The following VPS13D variants were observed in gnomAD, a reference collection of about 807,000 sequenced individuals.
VPS13D encodes vacuolar protein sorting 13 homolog D, also known as intermembrane lipid transfer protein VPS13D.
In VPS13D, 187 loss-of-function variants were observed where a neutral mutation model predicts 461.9. The ratio of observed to expected loss-of-function variants is 0.40; its 90% CI spans 0.36 to 0.46. VPS13D has a LOEUF of 0.46. Among genes scored for constraint, VPS13D ranks in the 20% least tolerant of loss-of-function variants. VPS13D has a pLI of 0.60. For missense variants in VPS13D, 4,711 were observed against 5,364.9 expected (o/e 0.88, Z 3.81); for synonymous variants, 1,951 against 1,986.3 (o/e 0.98, Z 0.47).
intron 65 of VPS13D, among the ~76,000 whole-genome samples, chr1:12,424,790 T>A (rs2100272610): frequency 6.6e-6 from 1 of 152,316 alleles, no homozygotes; most frequent in East Asian, 1.9e-4. Flanking sequence ...TCTTTTTTTT[T>A]AAGGCCTGAA....
At chr1:12,427,939 C>T (rs1644942991) in intron 65 of VPS13D, among the ~76,000 whole-genome samples, 2 of 152,336 alleles carry the variant, frequency 1.3e-5, no homozygotes, top group South Asian at 4.1e-4. Flanking sequence ...GCTTGTTGCA[C>T]TGTTCATTAA....
intron 67 of VPS13D, among the ~76,000 whole-genome samples, chr1:12,467,194 C>T (rs948929652): frequency 1.8e-4 from 27 of 151,994 alleles, no homozygotes; most frequent in African/African-American, 3.6e-4. Context: ...TTTTTCAAGA[C>T]AGAGTCTTGC....
At chr1:12,303,817 C>CAATTATTGAATTGTT (rs1553176900) in intron 25 of VPS13D, among the ~76,000 whole-genome samples, 1 of 152,220 alleles carries the variant, frequency 6.6e-6, no homozygotes, top group African/African-American at 2.4e-5. Flanking sequence ...GCTTAAAAGT[C>CAATTATTGAATTGTT]AATTATTGAA....
chr1:12,327,014 G>T (rs72866676), intron 35 of VPS13D, among the ~76,000 whole-genome samples: 31,872 of 152,078 alleles, frequency 0.21, 6,053 homozygotes, highest in African/African-American at 0.5. Context: ...CAACTGATGT[G>T]TATCTGTAAT....
chr1:12,288,285 C>T lies in VPS13D; in HGVS notation c.5697C>T (p.Ser1899=), dbSNP rs1642029689. ...TTSELAKANV[S]KLVAHLEMIE... ...GTGAGCTTGCCAAAGCAAATGTGTC[C>T]AAATTAGTAGCACACCTGGAAATGA... Residue 1899 remains serine (S), a synonymous_variant, in exon 22 of 70, where the codon TCC becomes TCT. Transcript: ENST00000620676. 2.5e-6 allele frequency: 4 copies of T among 1,613,954 alleles called. No homozygotes were observed. Among genetic ancestry groups the T allele is most frequent in the Non-Finnish European group, 1.7e-6 (2 of 1,179,908 alleles).
Position 12,318,054 on chromosome 1 carries a change from C to T in VPS13D, c.7149-18C>T, listed in dbSNP as rs1642936370. 6.3e-7 allele frequency: 1 copy of T among 1,588,152 alleles called. No homozygotes were observed. The highest frequency in any genetic ancestry group is 1.7e-5 in the Admixed American group (1 of 57,708). ...GTTTCTTTTTTCCTATTTATTTTCTCCTGTCTTCTTTTTATAGATCTACCA... is the reference window on the plus strand; with the variant it reads ...GTTTCTTTTTTCCTATTTATTTTCTTCTGTCTTCTTTTTATAGATCTACCA... On this transcript the variant is annotated intron_variant, in intron 30 of 69. Transcript: ENST00000620676.
chr1:12,443,532 T>G (rs912939538), intron 65 of VPS13D, among the ~76,000 whole-genome samples: 9 of 152,222 alleles, frequency 5.9e-5, no homozygotes, highest in African/African-American at 1.9e-4. Context: ...TTATTTTGCT[T>G]CTTTTTCTTT....
At chr1:12,296,314 T>C (rs1186393887) in intron 24 of VPS13D, among the ~76,000 whole-genome samples, 1 of 152,266 alleles carries the variant, frequency 6.6e-6, no homozygotes, top group African/African-American at 2.4e-5. Flanking sequence ...TTAATTCATA[T>C]CTTTGCCAAC....
intron 60 of VPS13D, among the ~76,000 whole-genome samples, chr1:12,396,391 T>C (rs930355145): frequency 1.3e-5 from 2 of 152,202 alleles, no homozygotes; most frequent in African/African-American, 4.8e-5. Flanking sequence ...TTATTAACTT[T>C]CGGAGTTCTG....
intron 63 of VPS13D, among the ~76,000 whole-genome samples, chr1:12,404,533 C>G (rs905272744): frequency 6.6e-6 from 1 of 152,216 alleles, no homozygotes; most frequent in Non-Finnish European, 1.5e-5. Context: ...CTTAGACCAT[C>G]TTGATGACTA....
chr1:12,484,809 G>A (rs986112159), intron 67 of VPS13D, among the ~76,000 whole-genome samples: 1 of 152,162 alleles, frequency 6.6e-6, no homozygotes, highest in Admixed American at 6.5e-5. Flanking sequence ...AGGGTTACAT[G>A]CTCCTTTTTG....
In VPS13D at chr1:12,341,863, A is replaced by G; in HGVS notation, c.8710A>G (p.Thr2904Ala). The G allele has an allele frequency of 1.2e-6, 2 of 1,614,014 alleles. No individual in the cohort carries two copies. The highest frequency in any genetic ancestry group is 1.7e-6 in the Non-Finnish European group (2 of 1,179,972). ...CACGGGGTGCACTTTGTGGTTTGCC[A>G]CCCTGACCACCACACCCACCAGGTA... ...NHTGCTLWFA[T>A]LTTTPTRAAL... Residue 2904 changes from threonine to alanine, a missense_variant, in exon 41 of 70, where the codon ACC becomes GCC. Transcript: ENST00000620676.
rs1644775251 is a variant in VPS13D at position 12,414,936 on chromosome 1, G to A, written c.12031-151G>A. 14 of 853,156 alleles carry A rather than the reference G, an allele frequency of 1.6e-5. No individual in the cohort carries two copies. In the South Asian group the frequency reaches 2.6e-4, roughly 16 times the overall value. The allele number at this position is 853,156 out of a possible 1,614,324, so 52.8% of individuals were successfully genotyped here. ...TTTTCCCTAGTATTTTACTTTTATAGTTATAGGGAAAATCCTTATTTATAA... is the reference window on the plus strand; with the variant it reads ...TTTTCCCTAGTATTTTACTTTTATAATTATAGGGAAAATCCTTATTTATAA... On this transcript the variant is annotated intron_variant, in intron 63 of 69. Transcript: ENST00000620676.
chr1:12,480,158 A>G (rs1645694259), intron 67 of VPS13D, among the ~76,000 whole-genome samples: 1 of 152,216 alleles, frequency 6.6e-6, no homozygotes, highest in African/African-American at 2.4e-5. Context: ...GCAGCCTTCC[A>G]AGTTCACAGT....
chr1:12,425,485 G>C, intron 65 of VPS13D, among the ~76,000 whole-genome samples: 1 of 152,026 alleles, frequency 6.6e-6, no homozygotes, highest in African/African-American at 2.4e-5. Flanking sequence ...CTTGAACCCA[G>C]GAGGCGGAGG....
intron 67 of VPS13D, among the ~76,000 whole-genome samples, chr1:12,480,064 G>C (rs114973104): frequency 6.6e-6 from 1 of 152,284 alleles, no homozygotes; most frequent in Non-Finnish European, 1.5e-5. Context: ...AGAGAAGCAG[G>C]TCACTAAGCT....
At position 12,304,545 on chromosome 1, in the gene VPS13D, C is replaced by T; in HGVS notation, c.6256C>T (p.His2086Tyr). The T allele has an allele frequency of 6.2e-7, 1 of 1,614,094 alleles. No individual in the cohort carries two copies. Among genetic ancestry groups the T allele is most frequent in the Non-Finnish European group, 8.5e-7 (1 of 1,180,008 alleles). ...PSASPTGIPK[H>Y]SLRKTTSTEE... ...AGCTTCCCCAACGGGTATTCCCAAA[C>T]ACAGTCTGAGGAAAACGACAAGCAC... Residue 2086 changes from histidine (H) to tyrosine (Y), a missense_variant, in exon 26 of 70, where the codon CAC becomes TAC. Physicochemically the swap from His to Tyr is moderately conservative, Grantham distance 83 (BLOSUM62 2). Around this residue, in one of 3 missense-constraint regions of VPS13D, gnomAD observed 4,411 missense variants for 4,937.8 expected, o/e 0.89. Coordinates refer to ENST00000620676, the MANE Select transcript of VPS13D (RefSeq NM_015378.4).
At chr1:12,499,331 A>G (rs1229570631) in intron 68 of VPS13D, 3 of 396,238 alleles carry the variant, frequency 7.6e-6, no homozygotes, top group Non-Finnish European at 1.0e-5. Flanking sequence ...TTGTGTTCAC[A>G]TGCGTCCATT....
Position 12,276,834 on chromosome 1 carries a change from G to T in VPS13D, c.3246G>T (p.Leu1082Phe). 6.2e-7 allele frequency: 1 copy of T among 1,614,088 alleles called. No individual in the cohort carries two copies. Among genetic ancestry groups the T allele is most frequent in the Non-Finnish European group, 8.5e-7 (1 of 1,180,020 alleles). The change falls in exon 19 of 70, where the codon TTG (leucine) becomes TTT (phenylalanine). Residue 1082 changes from leucine to phenylalanine, a missense_variant. Physicochemically the swap from Leu to Phe is conservative, Grantham distance 22 (BLOSUM62 0). Around this residue, in one of 3 missense-constraint regions of VPS13D, gnomAD observed 4,411 missense variants for 4,937.8 expected, o/e 0.89. Transcript: ENST00000620676. The surrounding 1 kb of genome is among the most constrained non-coding windows in gnomAD (Gnocchi z 4.5). ...LTKEQESLIK[L>F]EYQFVSSECP... ...AAGAGCAAGAGTCCCTTATTAAGTT[G>T]GAATATCAGTTTGTGAGTTCAGAGT...
Sources: allele counts gnomAD v4.1 joint callset (sites outside exome capture counted in the v4.1 genomes callset), GRCh38; gene constraint gnomAD v4.1.1; regional missense constraint gnomAD v4.1.1; non-coding constraint Gnocchi (gnomAD v3.1); transcripts MANE v1.5; gene names NCBI Gene and HGNC (gene_info 2026-07-23, HGNC 2026-07-21).